Variants in TMEM245 observed in about 807,000 individuals in gnomAD.
TMEM245 encodes the protein transmembrane protein 245.
In TMEM245, 69 loss-of-function variants were observed where a neutral mutation model predicts 101.2. The observed-to-expected ratio is 0.68, with a 90% CI of 0.56 to 0.83. TMEM245 has a LOEUF of 0.83. Ranked by LOEUF, TMEM245 falls within the 40% of genes least tolerant of loss-of-function variation. The probability of loss-of-function intolerance (pLI) is 0.00; values close to 1 mark genes in which losing one functional copy is unlikely to be tolerated. For missense variants in TMEM245, 1,075 were observed against 1,092.8 expected (o/e 0.98, Z 0.23); for synonymous variants, 537 against 449.8 (o/e 1.19, Z -2.45).
intron 3 of TMEM245, among the ~76,000 whole-genome samples, chr9:109,102,530 G>A (rs1830305812): frequency 6.6e-6 from 1 of 152,164 alleles, no homozygotes. Context: ...CTCTATAAGT[G>A]TATTCATTGA....
intron 17 of TMEM245, among the ~76,000 whole-genome samples, chr9:109,026,517 G>A (rs533565500): frequency 6.6e-5 from 10 of 151,888 alleles, no homozygotes; most frequent in African/African-American, 2.4e-4. Context: ...ATGGCACCTG[G>A]TGTATCTGAG....
intron 2 of TMEM245, 127 bp from the exon 3 acceptor site, chr9:109,106,736 CAA>C (rs751615133): frequency 2.0e-3 from 853 of 431,292 alleles, no homozygotes; most frequent in South Asian, 4.3e-3. Context: ...ACTTATCAGG[CAA>C]AAAAAAAAAA....
At chr9:109,029,419 T>C (rs1827885229) in intron 17 of TMEM245, among the ~76,000 whole-genome samples, 1 of 152,032 alleles carries the variant, frequency 6.6e-6, no homozygotes, top group Non-Finnish European at 1.5e-5. Flanking sequence ...TTAACAAGAA[T>C]AAATAATAAA....
intron 9 of TMEM245, among the ~76,000 whole-genome samples, chr9:109,065,125 C>A (rs1285756750): frequency 6.6e-6 from 1 of 152,156 alleles, no homozygotes; most frequent in Non-Finnish European, 1.5e-5. Flanking sequence ...TTCCCCACAA[C>A]CTCCCTTTCA....
chr9:109,084,742 C>T (rs753777540), intron 7 of TMEM245, among the ~76,000 whole-genome samples: 1 of 152,122 alleles, frequency 6.6e-6, no homozygotes, highest in Non-Finnish European at 1.5e-5. Context: ...AATTTTAAAA[C>T]GTGACTTATA....
At chr9:109,097,578 G>C (rs1320578639) in intron 3 of TMEM245, among the ~76,000 whole-genome samples, 1 of 152,138 alleles carries the variant, frequency 6.6e-6, no homozygotes, top group Admixed American at 6.5e-5. Context: ...GTAAAAATGA[G>C]GCTTACATAA....
chr9:109,050,994 AT>A (rs1053570402), intron 12 of TMEM245, among the ~76,000 whole-genome samples: 2 of 152,080 alleles, frequency 1.3e-5, no homozygotes, highest in Non-Finnish European at 2.9e-5. Flanking sequence ...GGATTAAAAC[AT>A]TTTATATATA....
intron 12 of TMEM245, among the ~76,000 whole-genome samples, chr9:109,056,747 T>C (rs1828850830): frequency 6.6e-6 from 1 of 152,170 alleles, no homozygotes; most frequent in Admixed American, 6.5e-5. Flanking sequence ...CCATACAAAA[T>C]ATGGTATGGA....
Position 109,103,774 on chromosome 9 carries a change from T to C in TMEM245, c.799+2734A>G, listed in dbSNP as rs1830337132. On this transcript the variant is annotated intron_variant, in intron 3 of 17. Coordinates refer to ENST00000374586, the MANE Select transcript of TMEM245 (RefSeq NM_032012.4). ...GGTACGGGGAAGCTGGAAGTGGTTA[T>C]TAATAGGTACCAAAAAGTTTAAAAA... Among the ~76,000 whole-genome samples the C allele has an allele frequency of 2.0e-5, 3 of 152,016 alleles. No individual in the cohort carries two copies. In the South Asian group the frequency reaches 6.2e-4, roughly 32 times the overall value.
chr9:109,097,301 G>T (rs1304483821), intron 3 of TMEM245, among the ~76,000 whole-genome samples: 1 of 152,196 alleles, frequency 6.6e-6, no homozygotes, highest in African/African-American at 2.4e-5. Context: ...AAAAAGCAGA[G>T]GTGCCCTCTT....
At chr9:109,087,830 C>T (rs1588064887) in intron 5 of TMEM245, among the ~76,000 whole-genome samples, 2 of 152,290 alleles carry the variant, frequency 1.3e-5, no homozygotes, top group East Asian at 1.9e-4. Context: ...TGATTTTGTA[C>T]CACTGCAGAG....
Position 109,036,209 on chromosome 9 carries a change from G to A in TMEM245, c.2396C>T (p.Ser799Leu). Residue 799 changes from serine (S) to leucine (L), a missense_variant, in exon 16 of 18, where the codon TCA becomes TTA. Ser to Leu is a moderately radical substitution (Grantham distance 145). Coordinates refer to ENST00000374586, the MANE Select transcript of TMEM245 (RefSeq NM_032012.4). The part of the protein sequence containing the change: ...FVDTAIYSDI[S>L]GGGHPYLTGL... ...AGAAATTCTGTGGCTTACTTACCCTGATATGTCAGAGTAGATTGCAGTATC... is the reference window on the plus strand; with the variant it reads ...AGAAATTCTGTGGCTTACTTACCCTAATATGTCAGAGTAGATTGCAGTATC... 1 of 1,595,304 alleles carries A rather than the reference G, an allele frequency of 6.3e-7. No individual in the cohort carries two copies. Among genetic ancestry groups the A allele is most frequent in the Non-Finnish European group, 8.5e-7 (1 of 1,174,414 alleles).
At chr9:109,074,641 G>C (rs989353594) in intron 8 of TMEM245, among the ~76,000 whole-genome samples, 1 of 148,896 alleles carries the variant, frequency 6.7e-6, no homozygotes, top group Non-Finnish European at 1.5e-5. Context: ...GGAATTGAGT[G>C]AGACAGTACA....
intron 14 of TMEM245, among the ~76,000 whole-genome samples, chr9:109,047,563 C>T (rs1331096514): frequency 1.3e-5 from 2 of 152,122 alleles, no homozygotes; most frequent in Admixed American, 6.6e-5. Context: ...CTGGCAAACA[C>T]AACAGCTAGG....
intron 10 of TMEM245, among the ~76,000 whole-genome samples, chr9:109,063,772 A>G (rs991787976): frequency 6.6e-6 from 1 of 151,976 alleles, no homozygotes; most frequent in African/African-American, 2.4e-5. Context: ...CAGCATCTCA[A>G]TCATCTCTTC....
At chr9:109,091,509 A>G (rs185814422) in intron 4 of TMEM245, among the ~76,000 whole-genome samples, 2 of 152,338 alleles carry the variant, frequency 1.3e-5, no homozygotes, top group East Asian at 1.9e-4. Context: ...TAGAATTTCT[A>G]TATTTAAAAA....
At chr9:109,031,718 CTATTT>C (rs1827949363) in intron 17 of TMEM245, among the ~76,000 whole-genome samples, 1 of 151,548 alleles carries the variant, frequency 6.6e-6, no homozygotes, top group African/African-American at 2.4e-5. Flanking sequence ...ATCAACCTGT[CTATTT>C]AGAGGTACAT....
At chr9:109,021,762 C>CACT (rs1395671277) in intron 17 of TMEM245, among the ~76,000 whole-genome samples, 1 of 152,066 alleles carries the variant, frequency 6.6e-6, no homozygotes, top group Non-Finnish European at 1.5e-5. Context: ...TAGGTCATGC[C>CACT]ACTCCAGGCC....
intron 17 of TMEM245, among the ~76,000 whole-genome samples, chr9:109,032,807 C>CTTTT (rs568749155): frequency 4.9e-5 from 6 of 123,158 alleles, no homozygotes; most frequent in Admixed American, 8.8e-5. Flanking sequence ...CAATATAGGT[C>CTTTT]TTTTTTTTTT....
Sources: gnomAD v4.1 joint callset for allele counts (sites outside exome capture counted in the v4.1 genomes callset) on GRCh38, gnomAD v4.1.1 for gene constraint, MANE v1.5 for transcripts, NCBI Gene and HGNC (gene_info 2026-07-23, HGNC 2026-07-21) for gene names.